The following CHD9 variants were observed in gnomAD, a reference collection of about 807,000 sequenced individuals.
CHD9 encodes the protein ATP-dependent chromatin remodeler CHD9.
A neutral mutation model predicts 316.1 loss-of-function variants in CHD9; 77 were observed. The observed-to-expected ratio is 0.24, with a 90% CI of 0.20 to 0.29. The LOEUF (loss-of-function observed/expected upper bound fraction) is 0.29. CHD9 is among the 10% of genes least tolerant of loss of function. The pLI is 1.00. For synonymous variants in CHD9, 1,129 were observed against 1,158.3 expected (o/e 0.97, Z 0.51); for missense variants, 2,763 against 3,438.1 (o/e 0.80, Z 4.91).
chr16:53,172,649 C>T, intron 2 of CHD9, among the ~76,000 whole-genome samples: 1 of 152,152 alleles, frequency 6.6e-6, no homozygotes, highest in East Asian at 1.9e-4. Context: ...TCTAAGAGTT[C>T]CGTTCGCTCC....
chr16:53,280,068 T>C (rs1205454512), intron 24 of CHD9, among the ~76,000 whole-genome samples: 1 of 152,206 alleles, frequency 6.6e-6, no homozygotes. Context: ...TCTACACTTC[T>C]GGTGGGAATA....
At chr16:53,132,793 CTTTTTTTTTTT>C (rs748626858) in intron 1 of CHD9, among the ~76,000 whole-genome samples, 25 of 68,506 alleles carry the variant, frequency 3.6e-4, no homozygotes, top group African/African-American at 1.2e-3. Flanking sequence ...TCTAATTCTG[CTTTTTTTTTTT>C]TTTTTTTTTT....
intron 26 of CHD9, among the ~76,000 whole-genome samples, 195 bp downstream of exon 26, chr16:53,286,538 G>A (rs1013148317): frequency 6.6e-6 from 1 of 152,168 alleles, no homozygotes; most frequent in South Asian, 2.1e-4. Flanking sequence ...GGTTGGACCT[G>A]CCCCACACCC....
At chr16:53,217,948 CTTTCTTTCTTTT>C (rs1232626061) in intron 3 of CHD9, among the ~76,000 whole-genome samples, 72 of 89,742 alleles carry the variant, frequency 8.0e-4, no homozygotes, top group African/African-American at 2.9e-3. Context: ...TTCTTTCTTT[CTTTCTTTCTTTT>C]TTTTTTTAAT....
At chr16:53,171,826 A>G (rs921725441) in intron 2 of CHD9, among the ~76,000 whole-genome samples, 1 of 143,452 alleles carries the variant, frequency 7.0e-6, no homozygotes, top group Non-Finnish European at 1.5e-5. Flanking sequence ...CAAAACAAAC[A>G]AAACCACACA....
chr16:53,146,804 A>G (rs2152724721), intron 1 of CHD9, among the ~76,000 whole-genome samples: 1 of 152,046 alleles, frequency 6.6e-6, no homozygotes, highest in South Asian at 2.1e-4. Context: ...CTCAAAAAAA[A>G]AAAAAAAGTT....
intron 2 of CHD9, among the ~76,000 whole-genome samples, chr16:53,179,487 G>A (rs1197572945): frequency 1.3e-5 from 2 of 151,620 alleles, no homozygotes; most frequent in Admixed American, 6.6e-5. Context: ...CTTAAAGGGG[G>A]ATCAATAAGT....
At chr16:53,277,501 C>T (rs1321019893) in intron 24 of CHD9, among the ~76,000 whole-genome samples, 2 of 152,064 alleles carry the variant, frequency 1.3e-5, no homozygotes, top group Non-Finnish European at 2.9e-5. Context: ...ACAAAAATCA[C>T]ATGATCATTT....
At chr16:53,108,816 A>G (rs2037587924) in intron 1 of CHD9, among the ~76,000 whole-genome samples, 1 of 152,036 alleles carries the variant, frequency 6.6e-6, no homozygotes, top group African/African-American at 2.4e-5. Flanking sequence ...CGGAGGTTGC[A>G]GTGAGCTGAG....
intron 1 of CHD9, among the ~76,000 whole-genome samples, chr16:53,116,147 C>A (rs1300717193): frequency 6.6e-6 from 1 of 152,168 alleles, no homozygotes; most frequent in Non-Finnish European, 1.5e-5. Context: ...GCAGCCTCCA[C>A]TTCATGGGTT....
intron 22 of CHD9, among the ~76,000 whole-genome samples, chr16:53,268,502 AAACAAGTTTC>A (rs1365432566): frequency 6.6e-6 from 1 of 152,220 alleles, no homozygotes; most frequent in Non-Finnish European, 1.5e-5. Context: ...GACAATTAAA[AAACAAGTTTC>A]AGAGAAGATC....
chr16:53,273,925 T>C (rs1029773373), intron 23 of CHD9, 140 bp downstream of exon 23: 1 of 791,910 alleles, frequency 1.3e-6, no homozygotes, highest in Non-Finnish European at 2.0e-6. Flanking sequence ...CAAGGTATCC[T>C]ACAAGCAAAT....
chr16:53,287,285 T>C (rs940284611), intron 26 of CHD9, among the ~76,000 whole-genome samples: 3 of 152,220 alleles, frequency 2.0e-5, no homozygotes, highest in Admixed American at 1.3e-4. Flanking sequence ...TTCGCATATT[T>C]TCAAACTGAA....
In CHD9 at chr16:53,215,158, C is replaced by T. The variant is rs974524997; in HGVS notation, c.1784+5345C>T. 6.6e-5 allele frequency among the ~76,000 whole-genome samples: 10 copies of T among 152,218 alleles called. No homozygotes were observed. In the East Asian group the frequency reaches 7.7e-4, roughly 12 times the overall value. ...GTCTCGATCTCCTGACCTCGCGATC[C>T]GCCTGCCTCGGCCTCCCAAAGTGCT... is the stretch of plus-strand genomic sequence containing the variant. On this transcript the variant is annotated intron_variant, in intron 3 of 38. Coordinates refer to ENST00000447540, the MANE Select transcript of CHD9 (RefSeq NM_001308319.2).
chr16:53,258,772 C>G (rs1467821112), intron 19 of CHD9, among the ~76,000 whole-genome samples: 1 of 152,048 alleles, frequency 6.6e-6, no homozygotes, highest in East Asian at 1.9e-4. Flanking sequence ...GTGATGATAT[C>G]CCCTAAAACT....
intron 1 of CHD9, among the ~76,000 whole-genome samples, chr16:53,149,706 A>G (rs911026851): frequency 6.7e-6 from 1 of 149,556 alleles, no homozygotes; most frequent in Non-Finnish European, 1.5e-5. Flanking sequence ...GCACCATCAC[A>G]CTGGCTAATT....
intron 3 of CHD9, among the ~76,000 whole-genome samples, chr16:53,211,792 G>A (rs890002211): frequency 6.6e-6 from 1 of 152,084 alleles, no homozygotes; most frequent in African/African-American, 2.4e-5. Context: ...GGCATAGTTG[G>A]AATAAATGAA....
intron 2 of CHD9, among the ~76,000 whole-genome samples, chr16:53,180,419 G>A (rs1951296578): frequency 6.6e-6 from 1 of 152,168 alleles, no homozygotes; most frequent in Non-Finnish European, 1.5e-5. Flanking sequence ...CAAGTTCGAT[G>A]CTAAGGATCT....
intron 1 of CHD9, among the ~76,000 whole-genome samples, chr16:53,108,602 C>T (rs185867519): frequency 3.1e-3 from 468 of 151,924 alleles, no homozygotes; most frequent in East Asian, 0.014. Context: ...GGGCCGGGCG[C>T]GGTGGCTCAC....
Sources: gnomAD v4.1 joint callset for allele counts (sites outside exome capture counted in the v4.1 genomes callset) on GRCh38, gnomAD v4.1.1 for gene constraint, MANE v1.5 for transcripts, NCBI Gene and HGNC (gene_info 2026-07-23, HGNC 2026-07-21) for gene names.